SUCLG2: variants seen among roughly 807,000 people sequenced by gnomAD.
SUCLG2 encodes the protein succinate-CoA ligase GDP-forming subunit beta.
A neutral mutation model predicts 47.9 loss-of-function variants in SUCLG2; 42 were observed. That is an observed-to-expected ratio of 0.88 (90% CI 0.69 to 1.14). SUCLG2 has a LOEUF of 1.14. Among genes scored for constraint, SUCLG2 ranks in the 50% most tolerant of loss-of-function variants. The pLI, the probability that SUCLG2 is intolerant of heterozygous loss-of-function variation, is 0.00. For synonymous variants in SUCLG2, 195 were observed against 197.3 expected (o/e 0.99, Z 0.10); for missense variants, 571 against 525.9 (o/e 1.09, Z -0.84).
At chr3:67,516,973 T>G (rs1705962354) in intron 6 of SUCLG2, among the ~76,000 whole-genome samples, 1 of 152,192 alleles carries the variant, frequency 6.6e-6, no homozygotes, top group African/African-American at 2.4e-5. Context: ...AACCAACCAC[T>G]GTAGCACATA....
At chr3:67,495,409 C>A (rs1490536804) in intron 9 of SUCLG2, among the ~76,000 whole-genome samples, 1 of 152,090 alleles carries the variant, frequency 6.6e-6, no homozygotes, top group East Asian at 1.9e-4. Flanking sequence ...AATTTCAGCA[C>A]TTTTGGAGGC....
At chr3:67,422,872 A>C (rs1575685084) in intron 9 of SUCLG2, among the ~76,000 whole-genome samples, 1 of 152,190 alleles carries the variant, frequency 6.6e-6, no homozygotes, top group Admixed American at 6.5e-5. Flanking sequence ...AGAGATGGTC[A>C]ATACTCAGAA....
At chr3:67,446,417 ATTTTTTTTTTTTTTTTT>A (rs750956324) in intron 9 of SUCLG2, among the ~76,000 whole-genome samples, 1 of 32,186 alleles carries the variant, frequency 3.1e-5, no homozygotes, top group Non-Finnish European at 5.3e-5. Context: ...ACATATGTAC[ATTTTTTTTTTTTTTTTT>A]TTTTTTTTTT....
intron 10 of SUCLG2, among the ~76,000 whole-genome samples, chr3:67,381,223 TAA>T (rs763655884): frequency 8.9e-5 from 11 of 123,510 alleles, no homozygotes; most frequent in Non-Finnish European, 1.8e-4. Context: ...TAAAATAAAA[TAA>T]AAGTAAAACA....
chr3:67,534,768 CAAAAAAAA>C (rs60612549), intron 2 of SUCLG2, among the ~76,000 whole-genome samples: 205 of 34,914 alleles, frequency 5.9e-3, no homozygotes, highest in Non-Finnish European at 9.4e-3. Context: ...ACACTGATGG[CAAAAAAAA>C]AAAAAAAAAA....
chr3:67,469,664 G>C (rs1704556334), intron 9 of SUCLG2, among the ~76,000 whole-genome samples: 1 of 152,012 alleles, frequency 6.6e-6, no homozygotes, highest in Admixed American at 6.6e-5. Flanking sequence ...AGGAGGCGGA[G>C]GTTGCAGTGA....
At position 67,642,313 on chromosome 3, in the gene SUCLG2, T is replaced by C. The variant is rs192257696; in HGVS notation, c.84+12190A>G. Among the ~76,000 whole-genome samples, 4 of 152,236 alleles carry C rather than the reference T, an allele frequency of 2.6e-5. No individual in the cohort carries two copies. In the East Asian group the frequency reaches 5.8e-4, roughly 22 times the overall value. The stretch of plus-strand genomic sequence containing the variant: ...AGCCGCAGTTTGTTACTCTTTAAAA[T>C]GGGCTTAGTAGCTAGGCATGGTGGC... On this transcript the variant is annotated intron_variant, in intron 1 of 10. Transcript: ENST00000307227.
intron 9 of SUCLG2, among the ~76,000 whole-genome samples, chr3:67,459,911 A>G (rs959652183): frequency 6.6e-6 from 1 of 152,124 alleles, no homozygotes; most frequent in African/African-American, 2.4e-5. Flanking sequence ...AAGTCATTCC[A>G]AGCAACAGTG....
At chr3:67,431,538 C>T (rs1703479724) in intron 9 of SUCLG2, among the ~76,000 whole-genome samples, 2 of 152,118 alleles carry the variant, frequency 1.3e-5, no homozygotes, top group Admixed American at 1.3e-4. Flanking sequence ...CACATATACA[C>T]CATGGAATAC....
At chr3:67,593,319 C>T (rs571508993) in intron 2 of SUCLG2, among the ~76,000 whole-genome samples, 1 of 140,808 alleles carries the variant, frequency 7.1e-6, no homozygotes, top group African/African-American at 2.7e-5. Context: ...ATTGGTCTAA[C>T]ACATCCCCAA....
chr3:67,400,747 C>G lies in SUCLG2; in HGVS notation c.1167G>C (p.Leu389=). Residue 389 remains leucine (L), a synonymous_variant, in exon 10 of 11, where the codon CTG becomes CTC. Coordinates refer to ENST00000307227, the MANE Select transcript of SUCLG2 (RefSeq NM_003848.4). ...ATGACTCACCTTCAAGCCGGACCAC[C>G]AGGGGCACCTTGAGTTCTAGCTCCC... The part of the protein sequence containing the change: ...ACRELELKVP[L]VVRLEGTNVQ... The G allele has an allele frequency of 6.2e-7, 1 of 1,611,822 alleles. No individual in the cohort carries two copies. The highest frequency in any genetic ancestry group is 8.5e-7 in the Non-Finnish European group (1 of 1,179,936).
intron 9 of SUCLG2, among the ~76,000 whole-genome samples, chr3:67,473,200 A>G (rs958647918): frequency 7.2e-5 from 11 of 151,966 alleles, no homozygotes; most frequent in African/African-American, 2.7e-4. Flanking sequence ...TTTTTTTGAG[A>G]CAGGGTCTTA....
At chr3:67,626,145 G>C (rs1200656640) in intron 1 of SUCLG2, among the ~76,000 whole-genome samples, 2 of 151,446 alleles carry the variant, frequency 1.3e-5, no homozygotes, top group Non-Finnish European at 2.9e-5. Flanking sequence ...TCAGCCTCCC[G>C]AGTAGCTGGG....
chr3:67,380,707 T>TAGAGAGAGAGAGGGAGATAG (rs78636556), intron 10 of SUCLG2, among the ~76,000 whole-genome samples: 2 of 150,466 alleles, frequency 1.3e-5, no homozygotes, highest in Non-Finnish European at 3.0e-5. Flanking sequence ...GAGAGGGAGA[T>TAGAGAGAGAGAGGGAGATAG]AGAGAGAGAG....
chr3:67,478,913 T>C (rs1015227250), intron 9 of SUCLG2, among the ~76,000 whole-genome samples: 3 of 152,210 alleles, frequency 2.0e-5, no homozygotes, highest in African/African-American at 7.2e-5. Context: ...AGTAAATATG[T>C]TGTGCCTTAA....
chr3:67,381,560 A>G (rs1702158603), intron 10 of SUCLG2, among the ~76,000 whole-genome samples: 1 of 152,184 alleles, frequency 6.6e-6, no homozygotes, highest in Non-Finnish European at 1.5e-5. Context: ...ACATGTTCTA[A>G]TATTTATTAA....
chr3:67,518,945 G>A (rs80017445), intron 5 of SUCLG2, among the ~76,000 whole-genome samples: 8,316 of 152,064 alleles, frequency 0.055, 319 homozygotes, highest in East Asian at 0.17. Context: ...AGTTTCCAAG[G>A]TAATTAACTT....
At chr3:67,389,046 G>C (rs908608969) in intron 10 of SUCLG2, among the ~76,000 whole-genome samples, 1 of 152,114 alleles carries the variant, frequency 6.6e-6, no homozygotes, top group Non-Finnish European at 1.5e-5. Flanking sequence ...TAATGGCTTT[G>C]CAGCAATATG....
intron 7 of SUCLG2, among the ~76,000 whole-genome samples, chr3:67,504,272 G>C (rs1220991373): frequency 6.6e-6 from 1 of 152,012 alleles, no homozygotes; most frequent in Non-Finnish European, 1.5e-5. Flanking sequence ...GGGGGAGGTA[G>C]AGAACCGAAA....
Sources: allele counts gnomAD v4.1 joint callset (sites outside exome capture counted in the v4.1 genomes callset), GRCh38; gene constraint gnomAD v4.1.1; transcripts MANE v1.5; gene names NCBI Gene and HGNC (gene_info 2026-07-23, HGNC 2026-07-21).